Variants in DNAJC1 observed in about 807,000 individuals in gnomAD.
DNAJC1 encodes the protein DnaJ heat shock protein family (Hsp40) member C1, also known as dnaJ homolog subfamily C member 1.
A neutral mutation model predicts 76.6 loss-of-function variants in DNAJC1; 58 were observed. That is an observed-to-expected ratio of 0.76 (90% confidence interval 0.61 to 0.94). The LOEUF is 0.94. Ranked by LOEUF, DNAJC1 falls within the 40% of genes least tolerant of loss-of-function variation. DNAJC1 has a pLI of 0.00. For synonymous variants in DNAJC1, 258 were observed against 267.9 expected (o/e 0.96, Z 0.36); for missense variants, 689 against 677.3 (o/e 1.02, Z -0.19).
At chr10:21,796,332 C>T (rs1214947561) in intron 9 of DNAJC1, among the ~76,000 whole-genome samples, 6 of 152,092 alleles carry the variant, frequency 3.9e-5, no homozygotes, top group Admixed American at 3.9e-4. Context: ...CTTCTCTAGC[C>T]ATCCATCCAT....
intron 1 of DNAJC1, among the ~76,000 whole-genome samples, chr10:21,965,862 A>G (rs1311670468): frequency 6.6e-6 from 1 of 151,912 alleles, no homozygotes; most frequent in Admixed American, 6.6e-5. Context: ...TGCACTGCAG[A>G]CTCGCCCTGA....
intron 9 of DNAJC1, among the ~76,000 whole-genome samples, chr10:21,779,342 T>C (rs1834497140): frequency 6.6e-6 from 1 of 152,244 alleles, no homozygotes; most frequent in Non-Finnish European, 1.5e-5. Flanking sequence ...GGGAGGCACC[T>C]CCCAGTAGGG....
chr10:21,877,998 T>C (rs1275991354), intron 8 of DNAJC1, among the ~76,000 whole-genome samples: 2 of 152,220 alleles, frequency 1.3e-5, no homozygotes, highest in East Asian at 1.9e-4. Flanking sequence ...ACTGTATTTA[T>C]CAATACCCTA....
chr10:21,991,971 G>A (rs544186571), intron 1 of DNAJC1, among the ~76,000 whole-genome samples: 23 of 152,244 alleles, frequency 1.5e-4, no homozygotes, highest in African/African-American at 3.1e-4. Flanking sequence ...AAACATACAC[G>A]GATTTTGCTG....
At chr10:21,950,358 G>A (rs771975357) in intron 1 of DNAJC1, among the ~76,000 whole-genome samples, 3 of 151,990 alleles carry the variant, frequency 2.0e-5, no homozygotes, top group Non-Finnish European at 4.4e-5. Context: ...GGGGAGTCAC[G>A]AACCATGTCT....
intron 8 of DNAJC1, among the ~76,000 whole-genome samples, chr10:21,865,102 C>A (rs1835976957): frequency 6.6e-6 from 1 of 152,136 alleles, no homozygotes; most frequent in South Asian, 2.1e-4. Context: ...TTGCACTTCT[C>A]ACACACTGCT....
chr10:21,969,223 C>CAAAAAA (rs561143181), intron 1 of DNAJC1, among the ~76,000 whole-genome samples: 1 of 87,068 alleles, frequency 1.1e-5, no homozygotes, highest in Non-Finnish European at 2.3e-5. Context: ...GACTCCATTT[C>CAAAAAA]AAAAAAAAAA....
chr10:21,766,436 A>G, intron 9 of DNAJC1, 127 bp from the exon 10 acceptor site: 1 of 721,722 alleles, frequency 1.4e-6, no homozygotes, highest in Non-Finnish European at 2.4e-6. Flanking sequence ...AAAGACCCTC[A>G]GTCGTCTGTC....
intron 3 of DNAJC1, among the ~76,000 whole-genome samples, chr10:21,923,536 C>A (rs1176695466): frequency 1.3e-5 from 2 of 151,588 alleles, no homozygotes; most frequent in East Asian, 1.9e-4. Context: ...TTTATTAAAG[C>A]CAGATTAAGA....
chr10:21,866,126 C>A, intron 8 of DNAJC1, among the ~76,000 whole-genome samples: 1 of 116,822 alleles, frequency 8.6e-6, no homozygotes. Flanking sequence ...GAGAGTGAGA[C>A]TTCAACTCAA....
At chr10:21,870,703 A>G (rs942603317) in intron 8 of DNAJC1, among the ~76,000 whole-genome samples, 1 of 152,098 alleles carries the variant, frequency 6.6e-6, no homozygotes, top group African/African-American at 2.4e-5. Flanking sequence ...TGAGCCTGGG[A>G]GTTCAAGGCT....
intron 1 of DNAJC1, among the ~76,000 whole-genome samples, chr10:21,936,134 G>C (rs1464829176): frequency 6.6e-6 from 1 of 152,152 alleles, no homozygotes; most frequent in Non-Finnish European, 1.5e-5. Context: ...GAAGTGATTA[G>C]GCCAAATGGG....
At chr10:21,908,749 C>T (rs1047869920) in intron 6 of DNAJC1, among the ~76,000 whole-genome samples, 1 of 152,018 alleles carries the variant, frequency 6.6e-6, no homozygotes, top group Non-Finnish European at 1.5e-5. Context: ...CCTCATAATA[C>T]TGTATTAAAA....
intron 8 of DNAJC1, among the ~76,000 whole-genome samples, chr10:21,829,178 GAGTCA>G (rs1835313306): frequency 2.0e-5 from 3 of 151,494 alleles, no homozygotes; most frequent in Non-Finnish European, 4.4e-5. Flanking sequence ...CTACAGGAAT[GAGTCA>G]CCATGCCCAG....
At chr10:22,002,217 A>T (rs1304589091) in intron 1 of DNAJC1, among the ~76,000 whole-genome samples, 1 of 152,194 alleles carries the variant, frequency 6.6e-6, no homozygotes, top group East Asian at 1.9e-4. Flanking sequence ...CAACTATCGT[A>T]AACATTAATT....
At chr10:21,915,334 A>C (rs1432712132) in intron 6 of DNAJC1, among the ~76,000 whole-genome samples, 3 of 152,204 alleles carry the variant, frequency 2.0e-5, no homozygotes, top group Non-Finnish European at 4.4e-5. Flanking sequence ...TATGTATGTG[A>C]AGCGTAGCAA....
chr10:21,959,943 T>A (rs1269568785), intron 1 of DNAJC1, among the ~76,000 whole-genome samples: 1 of 152,162 alleles, frequency 6.6e-6, no homozygotes, highest in East Asian at 1.9e-4. Flanking sequence ...ATTCAATTCA[T>A]TAATAAGTCT....
chr10:21,875,910 G>A (rs1836180263), intron 8 of DNAJC1, among the ~76,000 whole-genome samples: 2 of 152,080 alleles, frequency 1.3e-5, no homozygotes, highest in Non-Finnish European at 1.5e-5. Flanking sequence ...GGGTGACAGA[G>A]TGAGACTCTG....
intron 1 of DNAJC1, among the ~76,000 whole-genome samples, chr10:21,991,219 T>C (rs1053544109): frequency 6.6e-6 from 1 of 152,142 alleles, no homozygotes; most frequent in Admixed American, 6.5e-5. Context: ...AAGCTAAAAC[T>C]ACAAAATAGG....
Sources: gnomAD v4.1 joint callset for allele counts (sites outside exome capture counted in the v4.1 genomes callset) on GRCh38, gnomAD v4.1.1 for gene constraint, MANE v1.5 for transcripts, NCBI Gene and HGNC (gene_info 2026-07-23, HGNC 2026-07-21) for gene names.